EPHA6: variants seen among roughly 807,000 people sequenced by gnomAD.
EPHA6 encodes ephrin type-A receptor 6.
In EPHA6, 50 loss-of-function variants were observed where a neutral mutation model predicts 112.0. The observed-to-expected ratio is 0.45, with a 90% CI of 0.36 to 0.56. EPHA6 has a LOEUF of 0.56. Among genes scored for constraint, EPHA6 ranks in the 20% least tolerant of loss-of-function variants. EPHA6 has a pLI of 0.00. For synonymous variants in EPHA6, 529 were observed against 490.7 expected (o/e 1.08, Z -1.03); for missense variants, 1,280 against 1,417.4 (o/e 0.90, Z 1.56).
At chr3:97,306,068 G>T (rs1365937936) in intron 5 of EPHA6, among the ~76,000 whole-genome samples, 1 of 151,642 alleles carries the variant, frequency 6.6e-6, no homozygotes, top group South Asian at 2.1e-4. Flanking sequence ...AAATAAAAAG[G>T]CTAAAATTTC....
At chr3:96,835,760 G>C (rs2034373524) in intron 1 of EPHA6, among the ~76,000 whole-genome samples, 2 of 152,028 alleles carry the variant, frequency 1.3e-5, no homozygotes, top group Admixed American at 1.3e-4. Context: ...GACTTGCAAT[G>C]AATTTTGGAT....
At chr3:97,313,625 T>C (rs2081661705) in intron 5 of EPHA6, among the ~76,000 whole-genome samples, 1 of 151,662 alleles carries the variant, frequency 6.6e-6, no homozygotes, top group African/African-American at 2.4e-5. Context: ...TTGCATTAAT[T>C]TGGCAATTAG....
intron 1 of EPHA6, among the ~76,000 whole-genome samples, chr3:96,848,772 A>G (rs535681609): frequency 6.6e-6 from 1 of 152,216 alleles, no homozygotes; most frequent in African/African-American, 2.4e-5. Context: ...AAAAAATAAG[A>G]TGTTTTTCAT....
intron 3 of EPHA6, among the ~76,000 whole-genome samples, chr3:97,108,850 A>G (rs2047641716): frequency 6.6e-6 from 1 of 152,178 alleles, no homozygotes; most frequent in South Asian, 2.1e-4. Flanking sequence ...TAATGATTAT[A>G]GTTTACAGCT....
intron 10 of EPHA6, among the ~76,000 whole-genome samples, chr3:97,490,641 G>A (rs2091815959): frequency 6.6e-6 from 1 of 152,188 alleles, no homozygotes; most frequent in Admixed American, 6.5e-5. Context: ...TTATGGCTAA[G>A]AAACAATAGA....
intron 13 of EPHA6, among the ~76,000 whole-genome samples, chr3:97,629,313 G>A (rs1183283030): frequency 6.6e-6 from 1 of 151,920 alleles, no homozygotes; most frequent in East Asian, 1.9e-4. Flanking sequence ...TCATGCAGTA[G>A]AATGTTATCT....
At chr3:97,099,955 CA>C (rs2047355063) in intron 3 of EPHA6, among the ~76,000 whole-genome samples, 1 of 151,910 alleles carries the variant, frequency 6.6e-6, no homozygotes, top group Non-Finnish European at 1.5e-5. Flanking sequence ...GTGCTTAGCA[CA>C]AAATTGGAAG....
chr3:97,488,995 T>C (rs1051330959), intron 10 of EPHA6, among the ~76,000 whole-genome samples: 13 of 152,244 alleles, frequency 8.5e-5, no homozygotes, highest in Non-Finnish European at 1.8e-4. Context: ...CAGACTCAGA[T>C]ATGAATCACA....
At chr3:97,629,301 C>T (rs1273142796) in intron 13 of EPHA6, among the ~76,000 whole-genome samples, 2 of 151,914 alleles carry the variant, frequency 1.3e-5, no homozygotes, top group East Asian at 1.9e-4. Flanking sequence ...ATAGGTTAAA[C>T]TTCATGCAGT....
intron 2 of EPHA6, among the ~76,000 whole-genome samples, chr3:96,929,172 T>C (rs1014001383): frequency 3.3e-5 from 5 of 152,192 alleles, no homozygotes; most frequent in African/African-American, 1.2e-4. Context: ...GGTTAGAGTT[T>C]AGGGCACCAA....
intron 14 of EPHA6, among the ~76,000 whole-genome samples, chr3:97,678,287 GTTCTCA>G: frequency 6.6e-6 from 1 of 152,120 alleles, no homozygotes; most frequent in South Asian, 2.1e-4. Context: ...AGGAAGATGT[GTTCTCA>G]AAGAAAACTT....
intron 2 of EPHA6, among the ~76,000 whole-genome samples, chr3:96,926,949 C>T (rs2318069): frequency 0.069 from 10,501 of 152,196 alleles, 708 homozygotes; most frequent in Admixed American, 0.21. Context: ...TGTGTGGGGG[C>T]GTCAACCCCA....
At chr3:97,521,622 C>G (rs866652683) in intron 10 of EPHA6, among the ~76,000 whole-genome samples, 1 of 152,120 alleles carries the variant, frequency 6.6e-6, no homozygotes, top group South Asian at 2.1e-4. Context: ...TCAATTACCT[C>G]CCACTGGGTC....
At chr3:96,980,596 T>G (rs1436929060) in intron 2 of EPHA6, among the ~76,000 whole-genome samples, 2 of 152,194 alleles carry the variant, frequency 1.3e-5, no homozygotes, top group East Asian at 1.9e-4. Flanking sequence ...AAGAAAGTCA[T>G]TGGTAGCTTG....
intron 4 of EPHA6, among the ~76,000 whole-genome samples, chr3:97,238,296 A>T (rs2078739235): frequency 6.6e-6 from 1 of 151,922 alleles, no homozygotes; most frequent in African/African-American, 2.4e-5. Flanking sequence ...AATAATTTTC[A>T]TGTAATATAG....
intron 3 of EPHA6, among the ~76,000 whole-genome samples, chr3:97,091,333 A>G (rs1339054539): frequency 6.6e-6 from 1 of 152,182 alleles, no homozygotes; most frequent in Non-Finnish European, 1.5e-5. Flanking sequence ...ACTATGGATC[A>G]GAGTCTCAAT....
At chr3:97,491,206 A>G (rs1268713281) in intron 10 of EPHA6, among the ~76,000 whole-genome samples, 1 of 152,232 alleles carries the variant, frequency 6.6e-6, no homozygotes, top group African/African-American at 2.4e-5. Context: ...GAATACCAGG[A>G]TGCAGGGATC....
intron 5 of EPHA6, among the ~76,000 whole-genome samples, chr3:97,258,215 A>G (rs890026685): frequency 6.6e-6 from 1 of 151,910 alleles, no homozygotes; most frequent in Non-Finnish European, 1.5e-5. Flanking sequence ...TTTGCTAAAT[A>G]AATAAATTAG....
intron 5 of EPHA6, among the ~76,000 whole-genome samples, chr3:97,371,876 C>T (rs895111977): frequency 1.1e-4 from 17 of 152,182 alleles, no homozygotes; most frequent in African/African-American, 2.9e-4. Flanking sequence ...AAATAAGTCC[C>T]GGTCTCCCAT....
Sources: gnomAD v4.1 joint callset for allele counts (sites outside exome capture counted in the v4.1 genomes callset) on GRCh38, gnomAD v4.1.1 for gene constraint, MANE v1.5 for transcripts, NCBI Gene and HGNC (gene_info 2026-07-23, HGNC 2026-07-21) for gene names.